The following SFT2D1 variants were observed in gnomAD, a reference collection of about 807,000 sequenced individuals.
SFT2D1 encodes the protein vesicle transport protein SFT2A.
A neutral mutation model predicts 28.1 loss-of-function variants in SFT2D1; 24 were observed. The observed-to-expected ratio is 0.85, with a 90% CI of 0.62 to 1.20. SFT2D1 has a LOEUF of 1.20. Among genes scored for constraint, SFT2D1 ranks in the 50% most tolerant of loss-of-function variants. The pLI is 0.00. For synonymous variants in SFT2D1, 82 were observed against 73.7 expected (o/e 1.11, Z -0.58); for missense variants, 181 against 190.9 (o/e 0.95, Z 0.31).
At chr6:166,321,055 G>A (rs1778345856) in intron 7 of SFT2D1, among the ~76,000 whole-genome samples, 1 of 151,690 alleles carries the variant, frequency 6.6e-6, no homozygotes, top group Non-Finnish European at 1.5e-5. Flanking sequence ...AGGTTGCAGT[G>A]AGCAGAGATC....
intron 1 of SFT2D1, among the ~76,000 whole-genome samples, chr6:166,336,165 T>C (rs1246358497): frequency 6.6e-6 from 1 of 152,156 alleles, no homozygotes; most frequent in Non-Finnish European, 1.5e-5. Context: ...GAGTGTGAAG[T>C]CAGAATTCCT....
intron 3 of SFT2D1, among the ~76,000 whole-genome samples, chr6:166,328,659 TGG>T (rs774133820): frequency 5.3e-5 from 8 of 152,336 alleles, no homozygotes; most frequent in Non-Finnish European, 1.0e-4. Flanking sequence ...AGAGGCTGCC[TGG>T]GGGTTGCTCT....
chr6:166,322,771 T>A, intron 7 of SFT2D1, 86 bp downstream of exon 7: 2 of 1,129,540 alleles, frequency 1.8e-6, no homozygotes, highest in Non-Finnish European at 2.6e-6. Context: ...TTAAATAGTA[T>A]TTTTATGTAA....
intron 5 of SFT2D1, 51 bp from the exon 6 acceptor site, chr6:166,324,646 T>A (rs1389177752): frequency 1.3e-6 from 2 of 1,522,282 alleles, no homozygotes; most frequent in Non-Finnish European, 1.8e-6. Context: ...TTTAAAAACA[T>A]CTTTCTCAAT....
At chr6:166,324,665 ATTC>A (rs1240954794) in intron 5 of SFT2D1, 70 bp from the exon 6 acceptor site, 12 of 1,412,454 alleles carry the variant, frequency 8.5e-6, no homozygotes, top group African/African-American at 1.4e-5. Context: ...ATCAAACTTA[ATTC>A]TTGTCTTTCA....
intron 1 of SFT2D1, among the ~76,000 whole-genome samples, chr6:166,340,434 C>T (rs1263013723): frequency 6.6e-6 from 1 of 152,212 alleles, no homozygotes; most frequent in African/African-American, 2.4e-5. Flanking sequence ...TGAGAATCCC[C>T]CTTCCTGCTT....
At chr6:166,320,468 G>C (rs1583031767) in intron 7 of SFT2D1, among the ~76,000 whole-genome samples, 1 of 152,062 alleles carries the variant, frequency 6.6e-6, no homozygotes, top group African/African-American at 2.4e-5. Flanking sequence ...TTTATCTTAA[G>C]AAATTTTTAC....
chr6:166,324,379 G>T (rs1055972563), intron 6 of SFT2D1, 158 bp downstream of exon 6: 2 of 593,896 alleles, frequency 3.4e-6, no homozygotes, highest in East Asian at 5.8e-5. Context: ...GCTGTCAAGT[G>T]CAACAGGACT....
intron 5 of SFT2D1, among the ~76,000 whole-genome samples, chr6:166,325,500 C>T (rs1778427702): frequency 6.6e-6 from 1 of 152,224 alleles, no homozygotes; most frequent in Non-Finnish European, 1.5e-5. Flanking sequence ...TAACCTTCTC[C>T]ACAGGGTAGG....
chr6:166,327,720 T>C (rs932751509), intron 4 of SFT2D1, among the ~76,000 whole-genome samples: 1 of 152,162 alleles, frequency 6.6e-6, no homozygotes, highest in Non-Finnish European at 1.5e-5. Flanking sequence ...CCATGCCATA[T>C]ACGCAGCAGA....
At chr6:166,341,077 GC>G (rs1778770766) in intron 1 of SFT2D1, among the ~76,000 whole-genome samples, 1 of 152,154 alleles carries the variant, frequency 6.6e-6, no homozygotes, top group Non-Finnish European at 1.5e-5. Flanking sequence ...AACCACATGT[GC>G]CTACTGAACA....
intron 1 of SFT2D1, among the ~76,000 whole-genome samples, chr6:166,337,272 G>A (rs10455809): frequency 0.21 from 32,028 of 152,042 alleles, 3,566 homozygotes; most frequent in East Asian, 0.33. Context: ...GCCTGGCACA[G>A]TGGTTGGGAA....
rs1007818194 is a variant in SFT2D1 at position 166,322,758 on chromosome 6, G to T, written c.440+99C>A. 34 of 932,418 alleles carry T rather than the reference G, an allele frequency of 3.6e-5. No individual in the cohort carries two copies. In the African/African-American group the frequency reaches 5.0e-4, roughly 14 times the overall value. 57.8% of individuals were successfully genotyped at this position (932,418 alleles called of 1,614,324 possible). On this transcript the variant is annotated intron_variant, in intron 7 of 7. Coordinates refer to ENST00000361731, the MANE Select transcript of SFT2D1 (RefSeq NM_145169.3). ...AAATTAAAATCAACCAAAAAAAAAG[G>T]GTTTAAATAGTATTTTTATGTAAAA... is the stretch of plus-strand genomic sequence containing the variant.
At chr6:166,324,970 C>T (rs1778417241) in intron 5 of SFT2D1, among the ~76,000 whole-genome samples, 1 of 152,070 alleles carries the variant, frequency 6.6e-6, no homozygotes, top group African/African-American at 2.4e-5. Context: ...GTGAAATTTA[C>T]TTATTTTACT....
chr6:166,328,056 C>A (rs1308712964), intron 4 of SFT2D1, among the ~76,000 whole-genome samples: 2 of 151,904 alleles, frequency 1.3e-5, no homozygotes, highest in Non-Finnish European at 2.9e-5. Context: ...CCTTGGCCCC[C>A]CAAAGTGCTG....
chr6:166,332,976 G>C (rs1410058678), intron 1 of SFT2D1, among the ~76,000 whole-genome samples: 3 of 152,228 alleles, frequency 2.0e-5, no homozygotes, highest in African/African-American at 7.2e-5. Context: ...CTAATCCACG[G>C]ATCGCCAGGA....
intron 1 of SFT2D1, 68 bp downstream of exon 1, chr6:166,342,351 G>C: frequency 6.9e-7 from 1 of 1,452,366 alleles, no homozygotes; most frequent in African/African-American, 1.4e-5. Context: ...CCACCCGCTC[G>C]GCCGGTCCTC....
In SFT2D1 at chr6:166,342,431, G is replaced by A. The variant is rs1422553588; in HGVS notation, c.51C>T (p.Gly17=). 1.3e-6 allele frequency: 2 copies of A among 1,560,208 alleles called. No homozygotes were observed. Among genetic ancestry groups the A allele is most frequent in the Non-Finnish European group, 1.7e-6 (2 of 1,152,946 alleles). The change falls in exon 1 of 8, where the codon GGC becomes GGT. Residue 17 remains glycine, a synonymous_variant. Coordinates refer to ENST00000361731, the MANE Select transcript of SFT2D1 (RefSeq NM_145169.3). ...GCAAGTTCGCTACCTGCGCAGTCAG[G>A]CCCTGCTCCTCGTCGTCCTGGCCGC... ...VLSGQDDEEQ[G]LTAQVLDASS...
chr6:166,326,718 C>T (rs200366519), intron 4 of SFT2D1, among the ~76,000 whole-genome samples: 2 of 152,210 alleles, frequency 1.3e-5, no homozygotes, highest in East Asian at 3.9e-4. Flanking sequence ...TAGGCGTGAT[C>T]TTACGTGGGC....
Sources: allele counts gnomAD v4.1 joint callset (sites outside exome capture counted in the v4.1 genomes callset), GRCh38; gene constraint gnomAD v4.1.1; transcripts MANE v1.5; gene names NCBI Gene and HGNC (gene_info 2026-07-23, HGNC 2026-07-21).